PREX1: variants seen among roughly 807,000 people sequenced by gnomAD.
PREX1 encodes the protein phosphatidylinositol 3,4,5-trisphosphate-dependent Rac exchanger 1 protein.
A neutral mutation model predicts 198.3 loss-of-function variants in PREX1; 41 were observed. That is an observed-to-expected ratio of 0.21 (90% CI 0.16 to 0.27). The LOEUF is 0.27. Among genes scored for constraint, PREX1 ranks in the 10% least tolerant of loss-of-function variants. The pLI is 1.00. For missense variants in PREX1, 1,620 were observed against 2,200.7 expected (o/e 0.74, Z 5.28); for synonymous variants, 843 against 887.2 (o/e 0.95, Z 0.89).
the PREX1 span, among the ~76,000 whole-genome samples, chr20:48,837,709 CTA>C: frequency 6.6e-6 from 1 of 152,086 alleles, no homozygotes. Flanking sequence ...GAAAAAATAA[CTA>C]TTTGGTACTA....
intron 16 of PREX1, 93 bp from the exon 17 acceptor site, chr20:48,658,321 C>A: frequency 7.7e-7 from 1 of 1,293,270 alleles, no homozygotes; most frequent in Non-Finnish European, 1.1e-6. Flanking sequence ...GACCTCGTCC[C>A]AGGTCTAGTA....
At chr20:48,792,103 C>T (rs2090341402) in intron 1 of PREX1, among the ~76,000 whole-genome samples, 1 of 152,138 alleles carries the variant, frequency 6.6e-6, no homozygotes, top group South Asian at 2.1e-4. Context: ...TGGCACCCAG[C>T]AAGCACTCAA....
intron 1 of PREX1, among the ~76,000 whole-genome samples, chr20:48,784,369 G>T (rs1187022773): frequency 6.6e-6 from 1 of 152,138 alleles, no homozygotes; most frequent in East Asian, 1.9e-4. Context: ...AAGAATTCAT[G>T]CAATGTTGTT....
intron 1 of PREX1, among the ~76,000 whole-genome samples, chr20:48,779,320 T>A (rs1158013325): frequency 6.6e-6 from 1 of 152,230 alleles, no homozygotes; most frequent in Non-Finnish European, 1.5e-5. Context: ...CTTAAACGGC[T>A]TTTGAAAAAC....
intron 5 of PREX1, among the ~76,000 whole-genome samples, chr20:48,722,732 C>T (rs1001134629): frequency 6.6e-6 from 1 of 152,184 alleles, no homozygotes; most frequent in Non-Finnish European, 1.5e-5. Context: ...GCAAAGGTGG[C>T]AACTGCCCCC....
At chr20:48,810,944 G>T (rs989821954) in intron 1 of PREX1, among the ~76,000 whole-genome samples, 6 of 152,022 alleles carry the variant, frequency 3.9e-5, no homozygotes, top group African/African-American at 1.4e-4. Context: ...ATAATAAATG[G>T]CAACCAATGT....
chr20:48,629,758 G>T, intron 36 of PREX1, 137 bp from the exon 37 acceptor site: 1 of 905,668 alleles, frequency 1.1e-6, no homozygotes, highest in Non-Finnish European at 1.7e-6. Context: ...ACCCCTCTGG[G>T]GATAACAATG....
intron 29 of PREX1, among the ~76,000 whole-genome samples, chr20:48,641,824 AAGAG>A (rs1173427956): frequency 0.026 from 3,033 of 114,682 alleles, 77 homozygotes; most frequent in Non-Finnish European, 0.035. Context: ...GAAAGAAAGA[AAGAG>A]AGAGAGAGAG....
Position 48,625,881 on chromosome 20 carries a change from G to C in PREX1, c.*4C>G. 1 of 1,561,480 alleles carries C rather than the reference G, an allele frequency of 6.4e-7. No individual in the cohort carries two copies. The highest frequency in any genetic ancestry group is 8.7e-7 in the Non-Finnish European group (1 of 1,155,188). On this transcript the variant is annotated 3_prime_UTR_variant, in exon 40 of 40. Coordinates refer to ENST00000371941, the MANE Select transcript of PREX1 (RefSeq NM_020820.4). ...CCGCGGCCCAGCGTGGGGCATTTGG[G>C]TGTTCAGAGGTCCCCATCCACCGGC...
chr20:48,673,398 G>A (rs1370681478), intron 14 of PREX1, among the ~76,000 whole-genome samples: 2 of 152,164 alleles, frequency 1.3e-5, no homozygotes, highest in Admixed American at 6.5e-5. Flanking sequence ...CCGACGTCCT[G>A]TTGTCTCCGT....
chr20:48,795,735 A>G (rs1232785391), intron 1 of PREX1, among the ~76,000 whole-genome samples: 1 of 152,196 alleles, frequency 6.6e-6, no homozygotes, highest in Non-Finnish European at 1.5e-5. Context: ...GTAAAACAAC[A>G]TAAAAAGATT....
chr20:48,640,258 A>G (rs968442616), intron 29 of PREX1, among the ~76,000 whole-genome samples: 5 of 152,188 alleles, frequency 3.3e-5, no homozygotes, highest in African/African-American at 1.2e-4. Context: ...CATAGCCACA[A>G]CCAATTGAGA....
At chr20:48,769,902 T>G (rs959295016) in intron 1 of PREX1, among the ~76,000 whole-genome samples, 1 of 152,224 alleles carries the variant, frequency 6.6e-6, no homozygotes, top group African/African-American at 2.4e-5. Flanking sequence ...CTGTCTTCAC[T>G]GCACACACGG....
the PREX1 span, among the ~76,000 whole-genome samples, chr20:48,848,447 G>A: frequency 6.6e-6 from 1 of 151,658 alleles, no homozygotes; most frequent in South Asian, 2.1e-4. Context: ...TGTAGACAGA[G>A]CATTTTGCCA....
Position 48,629,541 on chromosome 20 carries a change from C to G in PREX1, c.4674G>C (p.Gly1558=), listed in dbSNP as rs200203919. The G allele has an allele frequency of 6.2e-7, 1 of 1,614,132 alleles. No homozygotes were observed. The highest frequency in any genetic ancestry group is 2.2e-5 in the East Asian group (1 of 44,880). ...TGGGGATGAGGCCGGCGCCCACACTCCCAGCAGCACCAGGCTTTGGGTGGA... is the reference window on the plus strand; with the variant it reads ...TGGGGATGAGGCCGGCGCCCACACTGCCAGCAGCACCAGGCTTTGGGTGGA... ...SFVHPKPGAA[G]SVGAGLIPIS... The change falls in exon 37 of 40, where the codon GGG becomes GGC. Residue 1558 remains glycine, a synonymous_variant. Coordinates refer to ENST00000371941, the MANE Select transcript of PREX1 (RefSeq NM_020820.4).
intron 15 of PREX1, among the ~76,000 whole-genome samples, chr20:48,665,019 ACGGCC>A (rs1601059044): frequency 7.1e-6 from 1 of 140,806 alleles, no homozygotes; most frequent in South Asian, 2.3e-4. Context: ...CCGACTCCAG[ACGGCC>A]TGAATTCTAA....
At chr20:48,645,472 C>A (rs2089444115) in intron 26 of PREX1, among the ~76,000 whole-genome samples, 1 of 152,160 alleles carries the variant, frequency 6.6e-6, no homozygotes, top group African/African-American at 2.4e-5. Flanking sequence ...CTGCACTCTT[C>A]CTCCTTGGAC....
In PREX1 at chr20:48,827,571, A is replaced by G; in HGVS notation, c.219+71T>C. The G allele has an allele frequency of 9.0e-7, 1 of 1,106,148 alleles. No individual in the cohort carries two copies. The highest frequency in any genetic ancestry group is 4.3e-5 in the South Asian group (1 of 23,378). 68.5% of individuals were successfully genotyped at this position (1,106,148 alleles called of 1,614,324 possible). On this transcript the variant is annotated intron_variant, in intron 1 of 39. Coordinates refer to ENST00000371941, the MANE Select transcript of PREX1 (RefSeq NM_020820.4). The surrounding 1 kb of genome is among the most constrained non-coding windows in gnomAD (Gnocchi z 4.1). ...CTCCACCCACGGGGACCACGGCCAC[A>G]GGTTGTGGGGACCGCAGCGGGGCGA...
chr20:48,703,710 C>T (rs1168812220), intron 6 of PREX1, among the ~76,000 whole-genome samples: 9 of 152,188 alleles, frequency 5.9e-5, no homozygotes, highest in African/African-American at 2.2e-4. Flanking sequence ...AAGTCCGTCT[C>T]GGGGGACCTA....
Sources: gnomAD v4.1 joint callset for allele counts (sites outside exome capture counted in the v4.1 genomes callset) on GRCh38, gnomAD v4.1.1 for gene constraint, Gnocchi (gnomAD v3.1) non-coding constraint, MANE v1.5 for transcripts, NCBI Gene and HGNC (gene_info 2026-07-23, HGNC 2026-07-21) for gene names.